POT1: variants seen among roughly 807,000 people sequenced by gnomAD.
POT1 encodes protection of telomeres 1, also known as protection of telomeres protein 1.
POT1 carries 47 observed loss-of-function variants against 78.5 expected under a neutral mutation model. That is an observed-to-expected ratio of 0.60 (90% CI 0.47 to 0.76). The LOEUF (loss-of-function observed/expected upper bound fraction) is 0.76, where lower values mean the gene tolerates loss of function less well. POT1 is among the 30% of genes least tolerant of loss of function. The pLI is 0.00. For synonymous variants in POT1, 259 were observed against 260.7 expected, an observed-to-expected ratio of 0.99 and a Z score of 0.06; for missense variants, 646 against 749.9, an observed-to-expected ratio of 0.86 and a Z score of 1.62.
At chr7:124,914,005 C>G (rs1414621980) in intron 3 of POT1, among the ~76,000 whole-genome samples, 1 of 151,806 alleles carries the variant, frequency 6.6e-6, no homozygotes, top group Admixed American at 6.6e-5. Context: ...CATGGTGGTA[C>G]GCGTCTGTAG....
intron 7 of POT1, among the ~76,000 whole-genome samples, chr7:124,867,206 C>T (rs529543307): frequency 2.0e-5 from 3 of 152,294 alleles, no homozygotes; most frequent in African/African-American, 7.2e-5. Flanking sequence ...TAGTCTAACG[C>T]ATCCTCATTT....
intron 3 of POT1, among the ~76,000 whole-genome samples, chr7:124,909,562 A>G (rs1237736418): frequency 6.6e-6 from 1 of 151,828 alleles, no homozygotes; most frequent in Non-Finnish European, 1.5e-5. Flanking sequence ...TAAATCCAGA[A>G]ATAATTTAAA....
At chr7:124,875,676 C>T (rs1193981466) in intron 6 of POT1, among the ~76,000 whole-genome samples, 3 of 152,008 alleles carry the variant, frequency 2.0e-5, no homozygotes, top group South Asian at 4.1e-4. Flanking sequence ...AGATGATATC[C>T]TATATAAAGT....
At chr7:124,827,500 G>A (rs1030092486) in intron 16 of POT1, among the ~76,000 whole-genome samples, 195 bp from the exon 17 acceptor site, 2 of 152,210 alleles carry the variant, frequency 1.3e-5, no homozygotes, top group Non-Finnish European at 2.9e-5. Context: ...GCTGGCGTCT[G>A]CTGAGGGATT....
chr7:124,830,024 A>T (rs1459988048), intron 15 of POT1, among the ~76,000 whole-genome samples: 2 of 152,182 alleles, frequency 1.3e-5, no homozygotes, highest in Non-Finnish European at 2.9e-5. Context: ...TAATAAATTC[A>T]AAGTGTTAAT....
chr7:124,841,893 T>C (rs1795037063), intron 13 of POT1, among the ~76,000 whole-genome samples: 1 of 152,020 alleles, frequency 6.6e-6, no homozygotes, highest in Non-Finnish European at 1.5e-5. Flanking sequence ...TCCTTATATA[T>C]ACATTTTAAT....
chr7:124,828,770 G>C (rs1024347789), intron 16 of POT1, among the ~76,000 whole-genome samples: 1 of 152,116 alleles, frequency 6.6e-6, no homozygotes, highest in African/African-American at 2.4e-5. Flanking sequence ...AGGACCCTAG[G>C]ATTTCACTGG....
chr7:124,844,370 C>T (rs1795108475), intron 12 of POT1, among the ~76,000 whole-genome samples: 1 of 150,806 alleles, frequency 6.6e-6, no homozygotes, highest in Non-Finnish European at 1.5e-5. Context: ...CTCAGGTGAT[C>T]TGCCCGCCTC....
At chr7:124,900,884 A>G in intron 3 of POT1, 2 of 350,694 alleles carry the variant, frequency 5.7e-6, no homozygotes, top group Non-Finnish European at 6.0e-6. Flanking sequence ...CCATGCCCAC[A>G]GAGTTTTGCT....
At chr7:124,868,717 G>T (rs1795792112) in intron 7 of POT1, among the ~76,000 whole-genome samples, 2 of 149,190 alleles carry the variant, frequency 1.3e-5, no homozygotes, top group East Asian at 2.0e-4. Flanking sequence ...ATATTATTTG[G>T]ATTATTTGAA....
chr7:124,882,876 T>G (rs564280021), intron 6 of POT1, among the ~76,000 whole-genome samples: 1 of 152,126 alleles, frequency 6.6e-6, no homozygotes, highest in East Asian at 1.9e-4. Context: ...AAAAAAGTCA[T>G]TCCTGAAAAT....
intron 11 of POT1, among the ~76,000 whole-genome samples, chr7:124,851,378 C>T (rs1198213324): frequency 6.6e-6 from 1 of 152,108 alleles, no homozygotes; most frequent in African/African-American, 2.4e-5. Context: ...CTTTCAAGTT[C>T]AGATTTGACT....
At chr7:124,908,454 G>A (rs1796817250) in intron 3 of POT1, among the ~76,000 whole-genome samples, 2 of 152,016 alleles carry the variant, frequency 1.3e-5, no homozygotes, top group South Asian at 4.2e-4. Flanking sequence ...GCCACATATT[G>A]TGTGACTCAC....
chr7:124,827,289 G>A lies in POT1; in HGVS notation c.1611C>T (p.Pro537=), dbSNP rs1480046591. 6.3e-7 allele frequency: 1 copy of A among 1,589,702 alleles called. No homozygotes were observed. Among genetic ancestry groups the A allele is most frequent in the African/African-American group, 1.3e-5 (1 of 74,180 alleles). Residue 537 remains proline (P), a synonymous_variant, in exon 17 of 19, where the codon CCC becomes CCT. Coordinates refer to ENST00000357628, the MANE Select transcript of POT1 (RefSeq NM_015450.3). ...SSVAEALGIV[P]LQYVFVMTFT... ...AGGTCATAACAAACACATATTGGAG[G>A]GGTACAATACCCAGTGCTAGTGAAG...
At chr7:124,900,567 T>C (rs1796594034) in intron 3 of POT1, among the ~76,000 whole-genome samples, 1 of 152,100 alleles carries the variant, frequency 6.6e-6, no homozygotes, top group Non-Finnish European at 1.5e-5. Context: ...AGCTCCACTC[T>C]ACAGCTCCCA....
chr7:124,895,847 T>C (rs550051064), intron 5 of POT1, among the ~76,000 whole-genome samples: 18 of 151,702 alleles, frequency 1.2e-4, no homozygotes, highest in Non-Finnish European at 2.1e-4. Flanking sequence ...TCAAAGGTAA[T>C]GACAAGATTA....
chr7:124,881,749 G>A (rs1350080309), intron 6 of POT1, among the ~76,000 whole-genome samples: 1 of 151,896 alleles, frequency 6.6e-6, no homozygotes, highest in Non-Finnish European at 1.5e-5. Context: ...CCAAACGAAG[G>A]TACAAAGCTA....
chr7:124,870,742 T>C (rs1053219336), intron 7 of POT1, among the ~76,000 whole-genome samples, 169 bp downstream of exon 7: 14 of 152,154 alleles, frequency 9.2e-5, no homozygotes, highest in African/African-American at 2.9e-4. Context: ...AAGATGTTTC[T>C]TACTGTAAAT....
intron 7 of POT1, among the ~76,000 whole-genome samples, chr7:124,870,328 T>A (rs886749628): frequency 1.3e-5 from 2 of 152,158 alleles, no homozygotes; most frequent in African/African-American, 2.4e-5. Context: ...AAAATTTTTT[T>A]AATTGTGCTA....
Sources: allele counts gnomAD v4.1 joint callset (sites outside exome capture counted in the v4.1 genomes callset), GRCh38; gene constraint gnomAD v4.1.1; transcripts MANE v1.5; gene names NCBI Gene and HGNC (gene_info 2026-07-23, HGNC 2026-07-21).